FKBP15: variants seen among roughly 807,000 people sequenced by gnomAD.
The protein encoded by FKBP15 is FKBP prolyl isomerase family member 15, also known as FK506-binding protein 15.
A neutral mutation model predicts 158.1 loss-of-function variants in FKBP15; 106 were observed. That is an observed-to-expected ratio of 0.67 (90% CI 0.57 to 0.79). FKBP15 has a LOEUF of 0.79. Among genes scored for constraint, FKBP15 ranks in the 30% least tolerant of loss-of-function variants. The probability of loss-of-function intolerance (pLI) is 0.00; values close to 1 mark genes in which losing one functional copy is unlikely to be tolerated. For missense variants in FKBP15, 1,287 were observed against 1,479.1 expected (o/e 0.87, Z 2.13); for synonymous variants, 547 against 548.6 (o/e 1.00, Z 0.04).
intron 8 of FKBP15, among the ~76,000 whole-genome samples, chr9:113,197,711 C>T (rs1331996851): frequency 2.0e-5 from 3 of 152,166 alleles, no homozygotes. Context: ...GTGGAAAATG[C>T]TTTACATGCA....
At position 113,173,525 on chromosome 9, in the gene FKBP15, G is replaced by A. The variant is rs747490508; in HGVS notation, c.2460C>T (p.His820=). The change falls in exon 23 of 28, where the codon CAC becomes CAT. Residue 820 remains histidine, a synonymous_variant. Coordinates refer to ENST00000238256, the MANE Select transcript of FKBP15 (RefSeq NM_015258.2). The part of the protein sequence containing the change: ...EHLLASAKDE[H]LQQYQEVCAQ... ...CGCACACCTCCTGGTACTGCTGCAG[G>A]TGCTCATCCTTGGCGGAGGCCAACA... The A allele has an allele frequency of 5.0e-6, 8 of 1,613,946 alleles. No individual in the cohort carries two copies. The South Asian group carries it at 7.7e-5, about 16-fold the overall frequency.
chr9:113,216,270 A>G (rs1831132751), intron 1 of FKBP15, among the ~76,000 whole-genome samples: 1 of 152,202 alleles, frequency 6.6e-6, no homozygotes, highest in Admixed American at 6.5e-5. Context: ...CTTCCCAACA[A>G]GTTATTTTGG....
intron 21 of FKBP15, 75 bp from the exon 22 acceptor site, chr9:113,174,658 A>T (rs1041600614): frequency 1.6e-5 from 23 of 1,460,238 alleles, no homozygotes; most frequent in Middle Eastern, 1.9e-4. Context: ...GGTGGCAGTT[A>T]ATTACCTTGT....
At chr9:113,219,486 T>G (rs1034329171) in intron 1 of FKBP15, among the ~76,000 whole-genome samples, 2 of 152,250 alleles carry the variant, frequency 1.3e-5, no homozygotes, top group Non-Finnish European at 2.9e-5. Flanking sequence ...GATTTGGTTT[T>G]CCTGATAACT....
intron 1 of FKBP15, among the ~76,000 whole-genome samples, chr9:113,216,244 G>T (rs370886974): frequency 5.3e-5 from 8 of 152,118 alleles, no homozygotes; most frequent in Non-Finnish European, 1.0e-4. Context: ...TAGTTTAGGT[G>T]AAGTAAACAT....
intron 12 of FKBP15, 78 bp from the exon 13 acceptor site, chr9:113,188,569 C>A (rs1830522952): frequency 1.7e-6 from 2 of 1,167,332 alleles, no homozygotes; most frequent in Non-Finnish European, 2.5e-6. Flanking sequence ...CTGCCCTAAA[C>A]CTGCTTCCAA....
At chr9:113,202,398 A>C (rs1830809168) in intron 6 of FKBP15, 133 bp downstream of exon 6, 1 of 569,388 alleles carries the variant, frequency 1.8e-6, no homozygotes, top group African/African-American at 1.9e-5. Context: ...CCGAAGTGGC[A>C]AATTTAGTGG....
intron 26 of FKBP15, among the ~76,000 whole-genome samples, 168 bp downstream of exon 26, chr9:113,169,056 G>A (rs1830153584): frequency 1.3e-5 from 2 of 152,166 alleles, no homozygotes; most frequent in African/African-American, 2.4e-5. Flanking sequence ...TGTAGGGCCC[G>A]CCACAGAGCC....
chr9:113,169,063 A>AGGGCCC (rs1197126224), intron 26 of FKBP15, among the ~76,000 whole-genome samples, 161 bp downstream of exon 26: 1 of 108,122 alleles, frequency 9.2e-6, no homozygotes, highest in Non-Finnish European at 2.1e-5. Context: ...CCCGCCACAG[A>AGGGCCC]GCCTTGTACA....
rs138621751 is a variant in FKBP15 at position 113,162,678 on chromosome 9, C to T, written c.*3400G>A. The T allele has an allele frequency of 3.0e-4, 421 of 1,419,040 alleles. 5 individuals carry two copies. The African/African-American group carries it at 5.5e-3, about 19-fold the overall frequency. The allele number at this position is 1,419,040 out of a possible 1,614,324, so 87.9% of individuals were successfully genotyped here. Reference sequence around the variant, plus strand: ...ACGTAACTCAACAGCTTTCTACTCCCTGATATCTACTCCCAGCTTCCTCAT... The same window carrying T: ...ACGTAACTCAACAGCTTTCTACTCCTTGATATCTACTCCCAGCTTCCTCAT... On this transcript the variant is annotated 3_prime_UTR_variant, in exon 28 of 28. Coordinates refer to ENST00000238256, the MANE Select transcript of FKBP15 (RefSeq NM_015258.2).
rs961188094 is a variant in FKBP15 at position 113,176,617 on chromosome 9, G to A, written c.2143C>T (p.Arg715Trp). The change falls in exon 21 of 28, where the codon CGG (arginine) becomes TGG (tryptophan). Residue 715 changes from arginine to tryptophan, a missense_variant. Arg to Trp is a moderately radical substitution (Grantham distance 101, BLOSUM62 -3). Transcript: ENST00000238256. ...QSKFKSEKQN[R>W]KQLELKVTSL... The stretch of plus-strand genomic sequence containing the variant: ...GTCACCTTGAGTTCCAGTTGTTTCC[G>A]GTTCTGCTTTTCACTTTTGAATTTG... 1.2e-6 allele frequency: 2 copies of A among 1,601,310 alleles called. No individual in the cohort carries two copies. The highest frequency in any genetic ancestry group is 2.2e-5 in the East Asian group (1 of 44,704).
chr9:113,175,303 G>C (rs1830282940), intron 21 of FKBP15, among the ~76,000 whole-genome samples: 3 of 152,052 alleles, frequency 2.0e-5, no homozygotes, highest in Admixed American at 2.0e-4. Flanking sequence ...TACAAGGATG[G>C]TCACTGTAGT....
chr9:113,208,562 A>G (rs1830939897), intron 2 of FKBP15, among the ~76,000 whole-genome samples: 1 of 152,296 alleles, frequency 6.6e-6, no homozygotes, highest in Non-Finnish European at 1.5e-5. Flanking sequence ...GTACAAGTGC[A>G]TTGTAGGAAA....
intron 2 of FKBP15, among the ~76,000 whole-genome samples, chr9:113,207,567 T>C (rs1283345791): frequency 6.6e-6 from 1 of 151,964 alleles, no homozygotes; most frequent in Non-Finnish European, 1.5e-5. Context: ...CTTGAACTCC[T>C]GACCTCGTGA....
chr9:113,193,944 T>A, intron 10 of FKBP15, 83 bp downstream of exon 10: 2 of 1,416,542 alleles, frequency 1.4e-6, no homozygotes, highest in Non-Finnish European at 1.9e-6. Flanking sequence ...ATTTTAGTTT[T>A]TAACTATATC....
intron 14 of FKBP15, 22 bp from the exon 15 acceptor site, chr9:113,186,385 A>G: frequency 1.4e-6 from 2 of 1,449,072 alleles, no homozygotes; most frequent in Non-Finnish European, 1.9e-6. Flanking sequence ...ACGAGTTACC[A>G]CTGGTTGATA....
chr9:113,217,110 GC>G (rs1327230816), intron 1 of FKBP15, among the ~76,000 whole-genome samples: 1 of 151,434 alleles, frequency 6.6e-6, no homozygotes, highest in Non-Finnish European at 1.5e-5. Flanking sequence ...CACCACATTG[GC>G]CAGGCTGGTC....
In FKBP15 at chr9:113,161,558, A is replaced by G. The variant is rs1830012621; in HGVS notation, c.*4520T>C. The G allele has an allele frequency of 1.2e-6, 2 of 1,613,922 alleles. No homozygotes were observed. The stretch of plus-strand genomic sequence containing the variant: ...TCCTGCTTCTGGCTGTACTGTATGA[A>G]GGCATCAAGGTTGGCAAAGCCAAGC... On this transcript the variant is annotated 3_prime_UTR_variant, in exon 28 of 28. Transcript: ENST00000238256.
intron 27 of FKBP15, among the ~76,000 whole-genome samples, chr9:113,167,514 T>C (rs1020394236): frequency 6.6e-6 from 1 of 152,136 alleles, no homozygotes; most frequent in Admixed American, 6.5e-5. Context: ...TGGAAGGAAC[T>C]GGTACATTCC....
Sources: gnomAD v4.1 joint callset for allele counts (sites outside exome capture counted in the v4.1 genomes callset) on GRCh38, gnomAD v4.1.1 for gene constraint, MANE v1.5 for transcripts, NCBI Gene and HGNC (gene_info 2026-07-23, HGNC 2026-07-21) for gene names.